KCNH5: variants seen among roughly 807,000 people sequenced by gnomAD.
KCNH5 encodes the protein voltage-gated delayed rectifier potassium channel KCNH5.
Under a neutral mutation model 96.1 loss-of-function variants are expected in KCNH5, and 46 were observed. The ratio of observed to expected loss-of-function variants is 0.48; its 90% CI spans 0.38 to 0.61. KCNH5 has a LOEUF of 0.61. Ranked by LOEUF, KCNH5 falls within the 20% of genes least tolerant of loss-of-function variation. The probability of loss-of-function intolerance (pLI) is 0.00; values close to 1 mark genes in which losing one functional copy is unlikely to be tolerated. For synonymous variants in KCNH5, 439 were observed against 449.8 expected, an observed-to-expected ratio of 0.98 and a Z score of 0.30; for missense variants, 907 against 1,225.8, an observed-to-expected ratio of 0.74 and a Z score of 3.88.
intron 9 of KCNH5, among the ~76,000 whole-genome samples, chr14:62,788,110 G>A (rs919294862): frequency 1.1e-4 from 17 of 152,152 alleles, no homozygotes; most frequent in African/African-American, 3.6e-4. Flanking sequence ...GAAATCTTCT[G>A]GAGAACATTC....
chr14:62,969,757 A>ATTT (rs779644836), intron 6 of KCNH5, among the ~76,000 whole-genome samples: 98 of 113,898 alleles, frequency 8.6e-4, no homozygotes, highest in African/African-American at 2.8e-3. Context: ...AATAAAATTA[A>ATTT]TTTTTTTTTT....
intron 10 of KCNH5, among the ~76,000 whole-genome samples, chr14:62,729,400 G>T (rs184725111): frequency 1.3e-5 from 2 of 152,274 alleles, no homozygotes; most frequent in East Asian, 3.9e-4. Context: ...CTGGGCAAAG[G>T]AGGACATATG....
chr14:62,749,511 TG>T (rs906547893), intron 10 of KCNH5, among the ~76,000 whole-genome samples: 2 of 152,210 alleles, frequency 1.3e-5, no homozygotes, highest in African/African-American at 4.8e-5. Context: ...CCAGCTGTGT[TG>T]TAACAAGATT....
chr14:62,760,516 T>TA (rs1885725241), intron 10 of KCNH5, among the ~76,000 whole-genome samples: 1 of 152,196 alleles, frequency 6.6e-6, no homozygotes, highest in Non-Finnish European at 1.5e-5. Flanking sequence ...GCGAGTTTCC[T>TA]AAAGGACTGT....
At chr14:62,884,550 C>T (rs1888557823) in intron 7 of KCNH5, among the ~76,000 whole-genome samples, 2 of 152,076 alleles carry the variant, frequency 1.3e-5, no homozygotes, top group Admixed American at 6.6e-5. Context: ...TGCTTGAACC[C>T]GGGAGGCGGA....
intron 1 of KCNH5, among the ~76,000 whole-genome samples, chr14:63,029,523 C>CG (rs943311772): frequency 1.3e-5 from 2 of 151,440 alleles, no homozygotes; most frequent in East Asian, 1.9e-4. Context: ...GTGTTTGTGG[C>CG]GGGGGGGATG....
At chr14:62,900,875 T>C (rs1438838169) in intron 7 of KCNH5, among the ~76,000 whole-genome samples, 1 of 152,088 alleles carries the variant, frequency 6.6e-6, no homozygotes, top group Non-Finnish European at 1.5e-5. Context: ...ATGTCCAGAA[T>C]ATAGAAAGAA....
chr14:62,781,581 C>T (rs559274374), intron 9 of KCNH5, among the ~76,000 whole-genome samples: 53 of 152,264 alleles, frequency 3.5e-4, no homozygotes, highest in African/African-American at 1.2e-3. Flanking sequence ...CCGCCAGGTG[C>T]GCATTCTCTT....
intron 8 of KCNH5, among the ~76,000 whole-genome samples, chr14:62,823,133 ACTC>A (rs1887148902): frequency 6.6e-6 from 1 of 151,288 alleles, no homozygotes; most frequent in African/African-American, 2.4e-5. Context: ...GTGACCCTGG[ACTC>A]CTCTGTGGAG....
intron 10 of KCNH5, among the ~76,000 whole-genome samples, chr14:62,759,573 A>ATATATATATATATATTTTTTTTTT (rs1171935428): frequency 5.3e-5 from 8 of 151,198 alleles, no homozygotes; most frequent in Non-Finnish European, 7.4e-5. Context: ...CGTAGGGTAT[A>ATATATATATATATATTTTTTTTTT]TTTTTTAATA....
chr14:62,985,117 G>A (rs1890680871), intron 5 of KCNH5, among the ~76,000 whole-genome samples: 2 of 152,102 alleles, frequency 1.3e-5, no homozygotes. Flanking sequence ...AAGCATTTTT[G>A]CAAAAGAAAG....
intron 1 of KCNH5, among the ~76,000 whole-genome samples, chr14:63,039,308 GA>G (rs1891780009): frequency 6.6e-6 from 1 of 151,850 alleles, no homozygotes; most frequent in African/African-American, 2.4e-5. Context: ...AAAAAACTTT[GA>G]AAATATTATT....
rs569609230 is a variant in KCNH5 at position 62,996,808 on chromosome 14, T to A, written c.433+4523A>T. 1.4e-4 allele frequency among the ~76,000 whole-genome samples: 21 copies of A among 152,318 alleles called. No homozygotes were observed. In the South Asian group the frequency reaches 4.4e-3, roughly 32 times the overall value. Reference sequence around the variant, plus strand: ...ACTGTACTTTCTTTGGCCAACTTCATCTGTGCCATGAAATCACTTAAAGTA... The same window carrying A: ...ACTGTACTTTCTTTGGCCAACTTCAACTGTGCCATGAAATCACTTAAAGTA... On this transcript the variant is annotated intron_variant, in intron 4 of 10. Coordinates refer to ENST00000322893, the MANE Select transcript of KCNH5 (RefSeq NM_139318.5).
intron 6 of KCNH5, among the ~76,000 whole-genome samples, chr14:62,964,073 A>G (rs1890261299): frequency 6.6e-6 from 1 of 152,126 alleles, no homozygotes. Flanking sequence ...GAAGGAGTTC[A>G]AAGAGTAGCT....
At chr14:62,840,557 CTTTTTTTTCT>C (rs1473580692) in intron 8 of KCNH5, among the ~76,000 whole-genome samples, 4 of 108,738 alleles carry the variant, frequency 3.7e-5, no homozygotes, top group Admixed American at 1.1e-4. Flanking sequence ...TTTCTTTTTT[CTTTTTTTTCT>C]TTTTTTTTTT....
At position 62,845,676 on chromosome 14, in the gene KCNH5, G is replaced by C. The variant is rs1326542697; in HGVS notation, c.1569+3977C>G. On this transcript the variant is annotated intron_variant, in intron 8 of 10. Transcript: ENST00000322893. ...GGTAGAGCCAAAAGGATTCAGCAGA[G>C]GTTTAAATGTGGGAGATTTTGTCTT... Among the ~76,000 whole-genome samples, 3 of 152,176 alleles carry C rather than the reference G, an allele frequency of 2.0e-5. No individual in the cohort carries two copies. In the East Asian group the frequency reaches 5.8e-4, roughly 29 times the overall value.
At chr14:63,024,034 C>A (rs1047464044) in intron 1 of KCNH5, among the ~76,000 whole-genome samples, 1 of 151,870 alleles carries the variant, frequency 6.6e-6, no homozygotes, top group African/African-American at 2.4e-5. Flanking sequence ...ATGGTAAAAC[C>A]CTGTCTCTAC....
At chr14:62,771,825 A>G (rs1206760324) in intron 10 of KCNH5, among the ~76,000 whole-genome samples, 1 of 152,092 alleles carries the variant, frequency 6.6e-6, no homozygotes, top group Non-Finnish European at 1.5e-5. Flanking sequence ...AGAAACTTTA[A>G]TTACACCAGT....
intron 10 of KCNH5, among the ~76,000 whole-genome samples, chr14:62,769,664 T>C (rs1885944503): frequency 1.3e-5 from 2 of 152,230 alleles, no homozygotes; most frequent in African/African-American, 4.8e-5. Context: ...CATAATCCTA[T>C]TACATAGGGC....
Sources: gnomAD v4.1 joint callset for allele counts (sites outside exome capture counted in the v4.1 genomes callset) on GRCh38, gnomAD v4.1.1 for gene constraint, MANE v1.5 for transcripts, NCBI Gene and HGNC (gene_info 2026-07-23, HGNC 2026-07-21) for gene names.